RIN2: variants seen among roughly 807,000 people sequenced by gnomAD.
The protein encoded by RIN2 is RAB5 interacting protein 2.
RIN2 carries 36 observed loss-of-function variants against 78.0 expected under a neutral mutation model. The ratio of observed to expected loss-of-function variants is 0.46; its 90% CI spans 0.35 to 0.61. The LOEUF (loss-of-function observed/expected upper bound fraction) is 0.61. Ranked by LOEUF, RIN2 falls within the 20% of genes least tolerant of loss-of-function variation. The pLI, the probability that RIN2 is intolerant of heterozygous loss-of-function variation, is 0.00. For synonymous variants in RIN2, 466 were observed against 466.8 expected, an observed-to-expected ratio of 1.00 and a Z score of 0.02; for missense variants, 1,087 against 1,159.7, an observed-to-expected ratio of 0.94 and a Z score of 0.91.
intron 3 of RIN2, among the ~76,000 whole-genome samples, chr20:19,908,287 C>T (rs1049239829): frequency 5.9e-5 from 9 of 152,044 alleles, no homozygotes; most frequent in East Asian, 3.9e-4. Context: ...GTCAGGAGAT[C>T]GAGACCATCC....
At chr20:19,824,118 C>T (rs535611790) in intron 2 of RIN2, among the ~76,000 whole-genome samples, 2 of 152,270 alleles carry the variant, frequency 1.3e-5, no homozygotes, top group Admixed American at 1.3e-4. Flanking sequence ...GCATGCTGGA[C>T]CTGAGTGAGA....
chr20:19,856,084 AAAG>A (rs1021355892), intron 2 of RIN2, among the ~76,000 whole-genome samples: 5 of 152,208 alleles, frequency 3.3e-5, no homozygotes, highest in African/African-American at 1.2e-4. Flanking sequence ...GAACAAAAAA[AAAG>A]AAGAAAAATC....
intron 3 of RIN2, among the ~76,000 whole-genome samples, chr20:19,902,497 G>C (rs1189681811): frequency 6.6e-6 from 1 of 152,178 alleles, no homozygotes; most frequent in African/African-American, 2.4e-5. Flanking sequence ...AAAAGGTGGG[G>C]ATGATTCTTC....
intron 3 of RIN2, among the ~76,000 whole-genome samples, chr20:19,891,161 T>G (rs926789928): frequency 6.6e-6 from 1 of 152,218 alleles, no homozygotes; most frequent in Non-Finnish European, 1.5e-5. Context: ...TCAATCCTAA[T>G]AGTTAAGCTT....
chr20:19,801,754 T>C (rs1397472632), intron 2 of RIN2, among the ~76,000 whole-genome samples: 1 of 152,202 alleles, frequency 6.6e-6, no homozygotes, highest in Admixed American at 6.5e-5. Flanking sequence ...ACCTAATAAA[T>C]GCATGTTAAA....
chr20:19,841,506 C>T (rs995132885), intron 2 of RIN2, among the ~76,000 whole-genome samples: 1 of 152,110 alleles, frequency 6.6e-6, no homozygotes, highest in Non-Finnish European at 1.5e-5. Flanking sequence ...TCCTCTTTCC[C>T]TGCTATAAAG....
chr20:19,977,425 A>C (rs909645136), intron 9 of RIN2, among the ~76,000 whole-genome samples: 1 of 152,144 alleles, frequency 6.6e-6, no homozygotes, highest in Admixed American at 6.5e-5. Flanking sequence ...AAAATTATGT[A>C]TTTCACTACT....
At chr20:19,858,038 T>A (rs2037218237) in intron 2 of RIN2, among the ~76,000 whole-genome samples, 1 of 152,200 alleles carries the variant, frequency 6.6e-6, no homozygotes, top group Non-Finnish European at 1.5e-5. Flanking sequence ...GTCTTATTCA[T>A]TCACTTTTTA....
At chr20:19,882,070 G>A (rs753718079) in intron 2 of RIN2, among the ~76,000 whole-genome samples, 7 of 152,068 alleles carry the variant, frequency 4.6e-5, no homozygotes, top group Non-Finnish European at 1.0e-4. Flanking sequence ...TTGTAATTTT[G>A]GAAAGTGAAA....
chr20:19,920,635 T>C (rs1356648329), intron 3 of RIN2, among the ~76,000 whole-genome samples: 1 of 152,220 alleles, frequency 6.6e-6, no homozygotes, highest in Non-Finnish European at 1.5e-5. Flanking sequence ...TATATCAGAG[T>C]GTTTGCTCTG....
At chr20:19,777,367 G>A (rs1036424387) in intron 1 of RIN2, among the ~76,000 whole-genome samples, 1 of 152,198 alleles carries the variant, frequency 6.6e-6, no homozygotes, top group African/African-American at 2.4e-5. Context: ...CCTGGGGTGG[G>A]GTAGCCCCAA....
chr20:19,849,995 G>GT (rs1419002011), intron 2 of RIN2, among the ~76,000 whole-genome samples: 2 of 151,960 alleles, frequency 1.3e-5, no homozygotes, highest in Non-Finnish European at 2.9e-5. Flanking sequence ...TCTATTTTTG[G>GT]TTTTATACAA....
intron 2 of RIN2, among the ~76,000 whole-genome samples, chr20:19,860,037 C>T (rs2037285388): frequency 1.3e-5 from 2 of 152,288 alleles, no homozygotes; most frequent in South Asian, 4.1e-4. Flanking sequence ...GTAGAGAGCA[C>T]AAGCTTCAGA....
intron 1 of RIN2, among the ~76,000 whole-genome samples, chr20:19,784,582 G>T (rs2034613257): frequency 6.6e-6 from 1 of 152,082 alleles, no homozygotes; most frequent in Non-Finnish European, 1.5e-5. Context: ...TCAACAAATA[G>T]AGCAAATAAA....
Position 19,975,571 on chromosome 20 carries a change from C to T in RIN2, c.1546C>T (p.Arg516Cys). 1.2e-6 allele frequency: 2 copies of T among 1,613,980 alleles called. No individual in the cohort carries two copies. The highest frequency in any genetic ancestry group is 1.3e-5 in the African/African-American group (1 of 75,040). Residue 516 changes from arginine (R) to cysteine (C), a missense_variant, in exon 9 of 13, where the codon CGC (arginine) becomes TGC (cysteine). Transcript: ENST00000255006. This position sits in a 1 kb window ranked among gnomAD's most constrained non-coding sequence, Gnocchi z 4.9. ...CATGACCCCGGAGAAGCGGATGGTC[C>T]GCAGGATCGCCGAGCTTTCCCGGGA... ...SFMTPEKRMV[R>C]RIAELSRDKC... is the part of the protein sequence containing the mutation.
chr20:19,840,055 T>C (rs2036536451), intron 2 of RIN2, among the ~76,000 whole-genome samples: 1 of 152,220 alleles, frequency 6.6e-6, no homozygotes, highest in Non-Finnish European at 1.5e-5. Context: ...GGTGGCAAGA[T>C]TATCAATGTT....
At chr20:19,861,382 C>T (rs982430420) in intron 2 of RIN2, among the ~76,000 whole-genome samples, 5 of 152,206 alleles carry the variant, frequency 3.3e-5, no homozygotes, top group African/African-American at 4.8e-5. Context: ...CTTGGCTTGA[C>T]GAAACTTTAG....
intron 2 of RIN2, among the ~76,000 whole-genome samples, chr20:19,839,511 G>A (rs1469370546): frequency 2.0e-5 from 3 of 152,296 alleles, no homozygotes; most frequent in Middle Eastern, 6.8e-3. Context: ...CATGTCTCTG[G>A]GTCCCTGGCT....
intron 2 of RIN2, among the ~76,000 whole-genome samples, chr20:19,851,254 C>T (rs376201401): frequency 6.6e-6 from 1 of 151,968 alleles, no homozygotes; most frequent in Non-Finnish European, 1.5e-5. Flanking sequence ...GGGAAGGGAC[C>T]CCAGTGGTGT....
Sources: allele counts gnomAD v4.1 joint callset (sites outside exome capture counted in the v4.1 genomes callset), GRCh38; gene constraint gnomAD v4.1.1; non-coding constraint Gnocchi (gnomAD v3.1); transcripts MANE v1.5; gene names NCBI Gene and HGNC (gene_info 2026-07-23, HGNC 2026-07-21).